Variants in ABHD17B observed in about 807,000 individuals in gnomAD.
ABHD17B encodes the protein alpha/beta hydrolase domain-containing protein 17B.
ABHD17B carries 9 observed loss-of-function variants against 26.2 expected under a neutral mutation model. The observed-to-expected ratio is 0.34, with a 90% confidence interval of 0.21 to 0.60. The LOEUF is 0.60. Ranked by LOEUF, ABHD17B falls within the 20% of genes least tolerant of loss-of-function variation. The pLI is 0.80. For synonymous variants in ABHD17B, 127 were observed against 122.3 expected, an observed-to-expected ratio of 1.04 and a Z score of -0.25; for missense variants, 224 against 352.1, an observed-to-expected ratio of 0.64 and a Z score of 2.91.
Position 71,865,510 on chromosome 9 carries a change from C to A in ABHD17B, c.*1277G>T. On this transcript the variant is annotated 3_prime_UTR_variant, in exon 4 of 4. Coordinates refer to ENST00000333421, the MANE Select transcript of ABHD17B (RefSeq NM_001025780.3). ...TTAAACGTATTCTTATCTCCTATAC[C>A]CAGGAGTGAATCCATGAAATTCTCA... is the stretch of plus-strand genomic sequence containing the variant. The A allele has an allele frequency of 1.0e-6, 1 of 983,974 alleles. No homozygotes were observed. Among genetic ancestry groups the A allele is most frequent in the Non-Finnish European group, 1.2e-6 (1 of 828,862 alleles). The allele number at this position is 983,974 out of a possible 1,614,324, so 61.0% of individuals were successfully genotyped here. A position where few individuals can be genotyped will look rare whatever the true frequency, so the allele number is the denominator to read the frequency against.
At chr9:71,901,427 G>T (rs941075765) in intron 1 of ABHD17B, among the ~76,000 whole-genome samples, 1 of 152,080 alleles carries the variant, frequency 6.6e-6, no homozygotes, top group Non-Finnish European at 1.5e-5. Context: ...TCACTTTATA[G>T]CATTTAACAT....
In ABHD17B at chr9:71,865,884, G is replaced by A; in HGVS notation, c.*903C>T. 2 of 985,230 alleles carry A rather than the reference G, an allele frequency of 2.0e-6. No individual in the cohort carries two copies. The highest frequency in any genetic ancestry group is 4.7e-5 in the South Asian group (1 of 21,284). The allele number at this position is 985,230 out of a possible 1,614,324, so 61.0% of individuals were successfully genotyped here. ...TCAAAAAATGAAAAAAATAGCCAAA[G>A]TGAAAAGGGATCTGATAGCCAGTCT... On this transcript the variant is annotated 3_prime_UTR_variant, in exon 4 of 4. Coordinates refer to ENST00000333421, the MANE Select transcript of ABHD17B (RefSeq NM_001025780.3).
At chr9:71,889,064 C>T (rs369821831) in intron 1 of ABHD17B, among the ~76,000 whole-genome samples, 251 of 151,076 alleles carry the variant, frequency 1.7e-3, no homozygotes, top group Non-Finnish European at 2.9e-3. Context: ...CGCCTGTAAT[C>T]ACAGCACTTT....
chr9:71,889,978 G>C (rs1457704392), intron 1 of ABHD17B, among the ~76,000 whole-genome samples: 1 of 151,658 alleles, frequency 6.6e-6, no homozygotes, highest in African/African-American at 2.4e-5. Context: ...AAGACTGAGC[G>C]GGCTGGGCAA....
intron 1 of ABHD17B, among the ~76,000 whole-genome samples, chr9:71,887,811 A>C (rs1826658333): frequency 6.6e-6 from 1 of 152,218 alleles, no homozygotes; most frequent in African/African-American, 2.4e-5. Context: ...TAAAACACAC[A>C]GAACTAAGTG....
chr9:71,888,633 TTCA>T (rs111314421), intron 1 of ABHD17B, among the ~76,000 whole-genome samples: 7 of 152,020 alleles, frequency 4.6e-5, no homozygotes, highest in African/African-American at 1.7e-4. Context: ...TAAAAAGAGG[TTCA>T]TATTATGGGT....
chr9:71,902,421 AC>A (rs1554703509), intron 1 of ABHD17B: 1 of 116,216 alleles, frequency 8.6e-6, no homozygotes, highest in African/African-American at 3.2e-5. Flanking sequence ...CCCACCTTCC[AC>A]CCCACCCCCA....
chr9:71,905,287 T>C (rs2132213703), intron 1 of ABHD17B, among the ~76,000 whole-genome samples: 1 of 152,158 alleles, frequency 6.6e-6, no homozygotes, highest in Non-Finnish European at 1.5e-5. Context: ...TACACCCGGC[T>C]AAGTTTTGGT....
chr9:71,895,640 G>A (rs957341776), intron 1 of ABHD17B, among the ~76,000 whole-genome samples: 2 of 152,190 alleles, frequency 1.3e-5, no homozygotes, highest in Admixed American at 6.5e-5. Flanking sequence ...ACACCAATCT[G>A]TCAATGTTCT....
chr9:71,879,191 T>C (rs1012330371), intron 1 of ABHD17B, among the ~76,000 whole-genome samples: 37 of 151,454 alleles, frequency 2.4e-4, no homozygotes, highest in Non-Finnish European at 2.9e-4. Flanking sequence ...ACCCCCCAAA[T>C]CCCAAGGGAC....
At chr9:71,879,378 AAGAG>A (rs1826374883) in intron 1 of ABHD17B, among the ~76,000 whole-genome samples, 2 of 152,332 alleles carry the variant, frequency 1.3e-5, no homozygotes, top group Non-Finnish European at 2.9e-5. Flanking sequence ...GAGACTACTT[AAGAG>A]GTAAAAATGT....
At chr9:71,892,928 A>T (rs954396457) in intron 1 of ABHD17B, among the ~76,000 whole-genome samples, 4 of 152,222 alleles carry the variant, frequency 2.6e-5, no homozygotes, top group African/African-American at 9.6e-5. Context: ...TACCCACTAA[A>T]CAATAACATC....
chr9:71,901,283 CACTT>C (rs1253766654), intron 1 of ABHD17B, among the ~76,000 whole-genome samples: 14 of 151,382 alleles, frequency 9.2e-5, no homozygotes, highest in African/African-American at 3.4e-4. Flanking sequence ...CTTTACTTCT[CACTT>C]ACCAATATTC....
At chr9:71,864,311 C>A (rs1192668841), downstream of ABHD17B, among the ~76,000 whole-genome samples, 1 of 148,620 alleles carries the variant, frequency 6.7e-6, no homozygotes, top group Non-Finnish European at 1.5e-5. Context: ...CCTCCACCTC[C>A]CGGGTTCAAG....
At chr9:71,894,087 CAAAAAAAAAAAAA>C (rs1180729763) in intron 1 of ABHD17B, among the ~76,000 whole-genome samples, 46 of 52,320 alleles carry the variant, frequency 8.8e-4, no homozygotes, top group African/African-American at 4.0e-3. Context: ...GACTCTATCT[CAAAAAAAAAAAAA>C]AAAAAAAAAA....
intron 1 of ABHD17B, among the ~76,000 whole-genome samples, chr9:71,900,465 T>C (rs375723774): frequency 1.3e-5 from 2 of 151,376 alleles, no homozygotes; most frequent in South Asian, 2.1e-4. Flanking sequence ...GCCTGGCCAA[T>C]AGGGTGAAAC....
intron 1 of ABHD17B, among the ~76,000 whole-genome samples, chr9:71,909,086 T>G (rs573678895): frequency 6.6e-5 from 10 of 152,344 alleles, no homozygotes; most frequent in African/African-American, 2.2e-4. Context: ...AGTCATTTCA[T>G]AAACATTTCA....
At chr9:71,864,125 CTATT>C (rs1825891356), downstream of ABHD17B, among the ~76,000 whole-genome samples, 1 of 150,698 alleles carries the variant, frequency 6.6e-6, no homozygotes, top group Admixed American at 6.6e-5. Flanking sequence ...TATCAATGGC[CTATT>C]TGTTTCTAGG....
rs938388624 is a variant in ABHD17B, at chr9:71,908,192, A to G, written c.-4+2442T>C. Among the ~76,000 whole-genome samples, 60 of 152,250 alleles carry G rather than the reference A, an allele frequency of 3.9e-4. 1 individual carries two copies. Among genetic ancestry groups the G allele is most frequent in the African/African-American group, 1.3e-3 (56 of 41,550 alleles). ...GATCACCTGAGGTCAGGAGTTGAAG[A>G]CCAGCATGGCCAACGTGGTGAAACC... On this transcript the variant is annotated intron_variant, in intron 1 of 3. Transcript: ENST00000333421.
Sources: gnomAD v4.1 joint callset for allele counts (sites outside exome capture counted in the v4.1 genomes callset) on GRCh38, gnomAD v4.1.1 for gene constraint, MANE v1.5 for transcripts, NCBI Gene and HGNC (gene_info 2026-07-23, HGNC 2026-07-21) for gene names.